PCDH15: variants seen among roughly 807,000 people sequenced by gnomAD.
PCDH15 encodes the protein protocadherin related 15.
A neutral mutation model predicts 178.5 loss-of-function variants in PCDH15; 129 were observed. The ratio of observed to expected loss-of-function variants is 0.72; its 90% CI spans 0.63 to 0.84. The LOEUF (loss-of-function observed/expected upper bound fraction) is 0.84. Among genes scored for constraint, PCDH15 ranks in the 40% least tolerant of loss-of-function variants. PCDH15 has a pLI of 0.00. For missense variants in PCDH15, 2,230 were observed against 2,099.9 expected (o/e 1.06, Z -1.21); for synonymous variants, 800 against 732.0 (o/e 1.09, Z -1.50).
At chr10:55,222,730 CATATATATAT>C (rs142618720) in intron 1 of PCDH15, among the ~76,000 whole-genome samples, 19,045 of 121,314 alleles carry the variant, frequency 0.16, 1,953 homozygotes, top group Admixed American at 0.2. Context: ...CACACACACA[CATATATATAT>C]ATATATATAT....
At chr10:54,898,538 T>G (rs887344677) in intron 2 of PCDH15, among the ~76,000 whole-genome samples, 4 of 152,122 alleles carry the variant, frequency 2.6e-5, no homozygotes, top group Non-Finnish European at 5.9e-5. Context: ...ACTCTTTCTC[T>G]CAATAAGATA....
chr10:55,226,584 G>A lies in PCDH15; in HGVS notation c.-155-59933C>T, dbSNP rs573388160. On this transcript the variant is annotated intron_variant, in intron 1 of 5. Coordinates refer to the PCDH15 transcript ENST00000458638. Reference sequence around the variant, plus strand: ...TTTAGTAGACACGGGGTTTCATCATGTTGGCCAGGCTGGTCTCGAACTCCT... The same window carrying A: ...TTTAGTAGACACGGGGTTTCATCATATTGGCCAGGCTGGTCTCGAACTCCT... 1.2e-4 allele frequency among the ~76,000 whole-genome samples: 18 copies of A among 151,988 alleles called. No homozygotes were observed. In the East Asian group the frequency reaches 3.5e-3, roughly 29 times the overall value.
At chr10:54,459,588 C>T (rs189542239) in intron 3 of PCDH15, among the ~76,000 whole-genome samples, 63 of 151,970 alleles carry the variant, frequency 4.1e-4, no homozygotes, top group South Asian at 8.3e-4. Context: ...TAGAGATTGA[C>T]GTGAAGTCAG....
intron 3 of PCDH15, among the ~76,000 whole-genome samples, chr10:54,807,932 T>A (rs1024763123): frequency 6.6e-6 from 1 of 151,494 alleles, no homozygotes; most frequent in Non-Finnish European, 1.5e-5. Flanking sequence ...CAGCCTAATA[T>A]TTTGCTGAAA....
intron 1 of PCDH15, among the ~76,000 whole-genome samples, chr10:55,280,135 A>G (rs1842690188): frequency 6.6e-6 from 1 of 152,108 alleles, no homozygotes; most frequent in South Asian, 2.1e-4. Flanking sequence ...TGGCAAATTG[A>G]AATTTCATGA....
intron 9 of PCDH15, among the ~76,000 whole-genome samples, chr10:54,226,520 G>A (rs1330085748): frequency 2.0e-5 from 3 of 152,174 alleles, no homozygotes; most frequent in Non-Finnish European, 4.4e-5. Flanking sequence ...ATAGCATAGT[G>A]AGATCCCATC....
chr10:54,667,288 T>A (rs1050994952), intron 1 of PCDH15, among the ~76,000 whole-genome samples: 2 of 151,964 alleles, frequency 1.3e-5, no homozygotes, highest in Non-Finnish European at 2.9e-5. Flanking sequence ...ACTCATCACA[T>A]CAACCCGATA....
At chr10:54,034,821 G>A (rs2093378989) in intron 18 of PCDH15, among the ~76,000 whole-genome samples, 1 of 151,804 alleles carries the variant, frequency 6.6e-6, no homozygotes, top group Non-Finnish European at 1.5e-5. Flanking sequence ...GAAAAGTGCT[G>A]TCAGTTTGTT....
At chr10:55,153,323 G>C (rs1838789844) in intron 2 of PCDH15, among the ~76,000 whole-genome samples, 1 of 152,082 alleles carries the variant, frequency 6.6e-6, no homozygotes, top group Non-Finnish European at 1.5e-5. Flanking sequence ...AATCCAGCCT[G>C]CTCTTCCCTT....
chr10:54,877,974 T>C (rs1954181488), intron 3 of PCDH15, among the ~76,000 whole-genome samples: 1 of 95,062 alleles, frequency 1.1e-5, no homozygotes, highest in East Asian at 3.5e-4. Context: ...TTTTTTTTTT[T>C]TTTGTTGAAG....
chr10:55,514,443 GA>G (rs1288797264), intron 2 of PCDH15, among the ~76,000 whole-genome samples: 4 of 152,134 alleles, frequency 2.6e-5, no homozygotes, highest in African/African-American at 7.2e-5. Flanking sequence ...ATTAACAGGA[GA>G]AAAGGCCTAC....
intron 1 of PCDH15, among the ~76,000 whole-genome samples, chr10:55,166,930 C>T (rs761288467): frequency 6.6e-6 from 1 of 151,998 alleles, no homozygotes; most frequent in African/African-American, 2.4e-5. Context: ...AATGAAAAAC[C>T]ACTTCCACCT....
chr10:54,697,563 C>A (rs2095247280), intron 1 of PCDH15, among the ~76,000 whole-genome samples: 2 of 144,038 alleles, frequency 1.4e-5, no homozygotes, highest in African/African-American at 5.3e-5. Flanking sequence ...AATAGTTAAC[C>A]TCTGCAGAAA....
intron 2 of PCDH15, among the ~76,000 whole-genome samples, chr10:55,358,543 A>T (rs977114308): frequency 6.6e-6 from 1 of 152,080 alleles, no homozygotes; most frequent in Non-Finnish European, 1.5e-5. Flanking sequence ...ATATCAGCAT[A>T]TCTCACAGAG....
intron 2 of PCDH15, among the ~76,000 whole-genome samples, chr10:55,061,549 G>A (rs1423380877): frequency 6.6e-6 from 1 of 151,988 alleles, no homozygotes; most frequent in African/African-American, 2.4e-5. Flanking sequence ...CACACTCCTT[G>A]GTATTTACCC....
At chr10:54,617,602 T>C (rs1013531257) in intron 2 of PCDH15, among the ~76,000 whole-genome samples, 4 of 151,822 alleles carry the variant, frequency 2.6e-5, no homozygotes, top group Admixed American at 1.3e-4. Context: ...ATATACTATA[T>C]TAACAGTCAT....
chr10:54,912,815 A>G (rs996404376), intron 2 of PCDH15, among the ~76,000 whole-genome samples: 9 of 152,170 alleles, frequency 5.9e-5, no homozygotes, highest in African/African-American at 2.2e-4. Flanking sequence ...GTTGTGACCA[A>G]AATGCTGAAT....
chr10:54,588,550 A>G (rs2091659119), intron 2 of PCDH15, among the ~76,000 whole-genome samples: 1 of 152,128 alleles, frequency 6.6e-6, no homozygotes, highest in Non-Finnish European at 1.5e-5. Context: ...TGTCTGTAAG[A>G]ATCAGTGATG....
chr10:54,121,186 A>T (rs1306182390), intron 15 of PCDH15, among the ~76,000 whole-genome samples: 1 of 152,150 alleles, frequency 6.6e-6, no homozygotes, highest in Non-Finnish European at 1.5e-5. Flanking sequence ...CTTGCTCCTG[A>T]GTGACTTTTA....
Sources: gnomAD v4.1 joint callset for allele counts (sites outside exome capture counted in the v4.1 genomes callset) on GRCh38, gnomAD v4.1.1 for gene constraint, MANE v1.5 for transcripts, NCBI Gene and HGNC (gene_info 2026-07-23, HGNC 2026-07-21) for gene names.